Variants in GGA3 observed in about 807,000 individuals in gnomAD.
GGA3 encodes the protein golgi associated, gamma adaptin ear containing, ARF binding protein 3.
GGA3 carries 57 observed loss-of-function variants against 77.5 expected under a neutral mutation model. The observed-to-expected ratio is 0.74, with a 90% confidence interval of 0.59 to 0.92. GGA3 has a LOEUF of 0.92. Among genes scored for constraint, GGA3 ranks in the 40% least tolerant of loss-of-function variants. The probability of loss-of-function intolerance (pLI) is 0.00; values close to 1 mark genes in which losing one functional copy is unlikely to be tolerated. For missense variants in GGA3, 970 were observed against 914.9 expected (o/e 1.06, Z -0.78); for synonymous variants, 416 against 383.7 (o/e 1.08, Z -0.98).
At chr17:75,251,402 A>G (rs992833636) in intron 1 of GGA3, among the ~76,000 whole-genome samples, 2 of 151,968 alleles carry the variant, frequency 1.3e-5, no homozygotes, top group Admixed American at 1.3e-4. Context: ...TTGGTACAGA[A>G]ATGAGTGTAA....
intron 1 of GGA3, among the ~76,000 whole-genome samples, chr17:75,249,730 G>A (rs906902270): frequency 1.3e-4 from 20 of 152,086 alleles, no homozygotes; most frequent in Admixed American, 5.2e-4. Flanking sequence ...AGAAAAACTG[G>A]CCCACTCACT....
At chr17:75,248,917 G>A (rs2076863671) in intron 1 of GGA3, 2 of 985,192 alleles carry the variant, frequency 2.0e-6, no homozygotes, top group Non-Finnish European at 2.4e-6. Flanking sequence ...AGTAGCGACA[G>A]CTGCCAGGCA....
At chr17:75,252,403 T>G (rs1189592491) in intron 1 of GGA3, among the ~76,000 whole-genome samples, 1 of 152,188 alleles carries the variant, frequency 6.6e-6, no homozygotes. Context: ...TAAGTCACTA[T>G]TCCTATAAAT....
Position 75,242,403 on chromosome 17 carries a change from A to C in GGA3, c.680T>G (p.Leu227Arg). 6.2e-7 allele frequency: 1 copy of C among 1,614,144 alleles called. No individual in the cohort carries two copies. Among genetic ancestry groups the C allele is most frequent in the Non-Finnish European group, 8.5e-7 (1 of 1,179,964 alleles). ...TLEEVNNNVR[L>R]LSEMLLHYSQ... ...GTAATGAAGCAGCATCTCACTGAGC[A>C]GTCTCACGTTGTTGTTAACTTCCTC... Residue 227 changes from leucine to arginine, a missense_variant, in exon 8 of 17, where the codon CTG (leucine) becomes CGG (arginine). Leu to Arg is a moderately radical substitution (Grantham distance 102). Transcript: ENST00000537686.
In GGA3 at chr17:75,237,917, T is replaced by TCCCACTC; in HGVS notation, c.*361_*362insGAGTGGG. 1 of 762,000 alleles carries TCCCACTC rather than the reference T, an allele frequency of 1.3e-6. No homozygotes were observed. Among genetic ancestry groups the TCCCACTC allele is most frequent in the Non-Finnish European group, 1.7e-6 (1 of 598,608 alleles). 47.2% of individuals were successfully genotyped at this position (762,000 alleles called of 1,614,324 possible). On this transcript the variant is annotated 3_prime_UTR_variant, in exon 17 of 17. Transcript: ENST00000537686. ...CCCATGACAGTCTCTCTTTAGAGAC[T>TCCCACTC]CCCACCCCCCACCCCCCACCCCAGT...
In GGA3 at chr17:75,239,350, C is replaced by T. The variant is rs2076439858; in HGVS notation, c.1780+25G>A. 3 of 1,513,446 alleles carry T rather than the reference C, an allele frequency of 2.0e-6. No individual in the cohort carries two copies. The South Asian group carries it at 4.0e-5, about 20-fold the overall frequency. 93.8% of individuals were successfully genotyped at this position (1,513,446 alleles called of 1,614,324 possible). A position where few individuals can be genotyped will look rare whatever the true frequency, so the allele number is the denominator to read the frequency against. ...CGTGGCTATAGGCCCCACCGCCCCACCCACCTCAATCCTCCAACACCTACT... is the reference window on the plus strand; with the variant it reads ...CGTGGCTATAGGCCCCACCGCCCCATCCACCTCAATCCTCCAACACCTACT... On this transcript the variant is annotated intron_variant, in intron 14 of 16. Coordinates refer to ENST00000537686, the MANE Select transcript of GGA3 (RefSeq NM_138619.4).
chr17:75,242,096 T>C, intron 8 of GGA3: 1 of 588,128 alleles, frequency 1.7e-6, no homozygotes, highest in Non-Finnish European at 3.0e-6. Context: ...GTGTGGTCTC[T>C]GGAGTCAGAC....
intron 1 of GGA3, among the ~76,000 whole-genome samples, chr17:75,259,709 C>T (rs2077279847): frequency 6.6e-6 from 1 of 152,178 alleles, no homozygotes; most frequent in African/African-American, 2.4e-5. Context: ...CGTGGGGTGA[C>T]AAGGACGCTG....
chr17:75,246,196 C>A (rs1182672501), intron 3 of GGA3, among the ~76,000 whole-genome samples: 1 of 152,244 alleles, frequency 6.6e-6, no homozygotes, highest in Non-Finnish European at 1.5e-5. Flanking sequence ...CTTCACCAAG[C>A]CTTCTCTTGC....
rs574808654 is a variant in GGA3 at position 75,238,163 on chromosome 17, C to G, written c.*116G>C. The stretch of plus-strand genomic sequence containing the variant: ...AGCAGAAATGCCCAGGGCCCCTGTT[C>G]CACATCAAAGCTACAAGCACTGTTG... On this transcript the variant is annotated 3_prime_UTR_variant, in exon 17 of 17. Transcript: ENST00000537686. The G allele has an allele frequency of 9.4e-6, 14 of 1,493,258 alleles. No individual in the cohort carries two copies. The highest frequency in any genetic ancestry group is 5.6e-5 in the African/African-American group (4 of 71,758). The allele number at this position is 1,493,258 out of a possible 1,614,324, so 92.5% of individuals were successfully genotyped here.
chr17:75,237,496 G>A lies in GGA3; in HGVS notation c.*783C>T. 1.3e-6 allele frequency: 2 copies of A among 1,535,900 alleles called. No homozygotes were observed. Among genetic ancestry groups the A allele is most frequent in the South Asian group, 1.2e-5 (1 of 84,056 alleles). On this transcript the variant is annotated 3_prime_UTR_variant, in exon 17 of 17. Transcript: ENST00000537686. ...AGTAGGATGGCCTGTCCCCACGGCT[G>A]GAGGCACGCTTTTCCCAGAAAGCTG...
chr17:75,257,564 C>T (rs1212061157), intron 1 of GGA3, among the ~76,000 whole-genome samples: 1 of 152,148 alleles, frequency 6.6e-6, no homozygotes, highest in African/African-American at 2.4e-5. Context: ...ACCTTTTATA[C>T]CTGTTTTTCT....
intron 3 of GGA3, 116 bp from the exon 4 acceptor site, chr17:75,244,833 C>CTTT (rs2076700443): frequency 1.4e-6 from 1 of 717,154 alleles, no homozygotes; most frequent in Non-Finnish European, 2.5e-6. Flanking sequence ...CAGGAAGGAG[C>CTTT]TCATCACGAA....
chr17:75,252,824 G>C (rs990712556), intron 1 of GGA3, among the ~76,000 whole-genome samples: 2 of 152,080 alleles, frequency 1.3e-5, no homozygotes, highest in African/African-American at 4.8e-5. Context: ...AAGGTTCTTC[G>C]TAATTCTCCC....
chr17:75,239,724 TA>T (rs1423774792), intron 13 of GGA3, 64 bp downstream of exon 13: 1 of 1,576,146 alleles, frequency 6.3e-7, no homozygotes, highest in Non-Finnish European at 8.7e-7. Flanking sequence ...CCTTCAAAGT[TA>T]GCTCTGGTTC....
At position 75,239,078 on chromosome 17, in the gene GGA3, C is replaced by T. The variant is rs1332336800; in HGVS notation, c.1786G>A (p.Ala596Thr). The change falls in exon 15 of 17, where the codon GCC becomes ACC. Residue 596 changes from alanine to threonine, a missense_variant. By Grantham distance (58) the Ala-to-Thr change is moderately conservative. Transcript: ENST00000537686. ...TTATCGTAGGCTGTCACAGGAAGGG[C>T]ACTGCCTGTAAGAACGTGACGTGAG... Reference protein sequence around the residue: ...VPLESIKPSSALPVTAYDKNG... With the variant: ...VPLESIKPSSTLPVTAYDKNG... 2 of 1,612,462 alleles carry T rather than the reference C, an allele frequency of 1.2e-6. No individual in the cohort carries two copies. Among genetic ancestry groups the T allele is most frequent in the South Asian group, 1.1e-5 (1 of 91,026 alleles).
Position 75,260,104 on chromosome 17 carries a change from G to A in GGA3, c.40+1444C>T, listed in dbSNP as rs3760205. 1.5e-3 allele frequency among the ~76,000 whole-genome samples: 229 copies of A among 152,230 alleles called. 6 individuals are homozygous for A. The East Asian group carries it at 0.04, about 27-fold the overall frequency. Reference sequence around the variant, plus strand: ...TTCAAGGCTGCAGTGAGCTATGATCGCACCCCTGCACTCCAGCCTAGACAA... The same window carrying A: ...TTCAAGGCTGCAGTGAGCTATGATCACACCCCTGCACTCCAGCCTAGACAA... On this transcript the variant is annotated intron_variant, in intron 1 of 16. Transcript: ENST00000537686.
At position 75,241,652 on chromosome 17, in the gene GGA3, TTTAAA is replaced by T. The variant is rs1567783976; in HGVS notation, c.787_791del (p.Phe263ThrfsTer4). 1 of 1,613,982 alleles carries T rather than the reference TTTAAA, an allele frequency of 6.2e-7. No homozygotes were observed. Among genetic ancestry groups the T allele is most frequent in the East Asian group, 2.2e-5 (1 of 44,884 alleles). ...CATTGTCCTCAGTCTCACTGGCGAG[TTTAAA>T]TAAAGTCCGCCTCTTGTTCTCACAC... On this transcript the variant is annotated frameshift_variant, in exon 9 of 17. Coordinates refer to ENST00000537686, the MANE Select transcript of GGA3 (RefSeq NM_138619.4). LOFTEE classifies it high-confidence loss of function.
Position 75,240,968 on chromosome 17 carries a change from G to GTA in GGA3, c.1035_1036insTA (p.Pro346TyrfsTer179). 7.4e-6 allele frequency: 12 copies of GTA among 1,614,174 alleles called. No individual in the cohort carries two copies. Among genetic ancestry groups the GTA allele is most frequent in the Non-Finnish European group, 1.0e-5 (12 of 1,180,012 alleles). ...GGGATGCCTGAGGAGGGTGGAGTAG[G>GTA]TGCTGGGGCCAACACGGAGGACAAA... On this transcript the variant is annotated frameshift_variant, in exon 11 of 17. Coordinates refer to ENST00000537686, the MANE Select transcript of GGA3 (RefSeq NM_138619.4). LOFTEE classifies it high-confidence loss of function.
Sources: gnomAD v4.1 joint callset for allele counts (sites outside exome capture counted in the v4.1 genomes callset) on GRCh38, gnomAD v4.1.1 for gene constraint, MANE v1.5 for transcripts, NCBI Gene and HGNC (gene_info 2026-07-23, HGNC 2026-07-21) for gene names.